The following LRRC4C variants were observed in gnomAD, a reference collection of about 807,000 sequenced individuals.
LRRC4C encodes the protein leucine rich repeat containing 4C.
In LRRC4C, 5 loss-of-function variants were observed where a neutral mutation model predicts 33.6. The observed-to-expected ratio is 0.15, with a 90% CI of 0.08 to 0.31. LRRC4C has a LOEUF of 0.31. Among genes scored for constraint, LRRC4C ranks in the 10% least tolerant of loss-of-function variants. The pLI is 1.00. For missense variants in LRRC4C, 560 were observed against 796.7 expected, an observed-to-expected ratio of 0.70 and a Z score of 3.58; for synonymous variants, 329 against 302.0, an observed-to-expected ratio of 1.09 and a Z score of -0.93.
At chr11:41,041,569 C>T (rs963970160) in intron 1 of LRRC4C, among the ~76,000 whole-genome samples, 1 of 152,124 alleles carries the variant, frequency 6.6e-6, no homozygotes, top group Non-Finnish European at 1.5e-5. Context: ...GTCACATTAT[C>T]ATTAACAGAT....
chr11:41,438,833 G>A (rs191446127), intron 1 of LRRC4C, among the ~76,000 whole-genome samples: 5 of 152,220 alleles, frequency 3.3e-5, no homozygotes, highest in East Asian at 1.9e-4. Flanking sequence ...TAAGGAAACC[G>A]ATTTGATTCT....
At chr11:40,382,944 C>T (rs915713055) in intron 3 of LRRC4C, among the ~76,000 whole-genome samples, 16 of 151,850 alleles carry the variant, frequency 1.1e-4, no homozygotes, top group African/African-American at 2.9e-4. Flanking sequence ...CCGCCTGCCT[C>T]GGCCTCCCAA....
intron 3 of LRRC4C, among the ~76,000 whole-genome samples, chr11:40,421,571 G>T (rs575459568): frequency 2.6e-5 from 4 of 152,342 alleles, no homozygotes; most frequent in African/African-American, 9.6e-5. Context: ...TTTGGTAACA[G>T]TCCTACAACT....
intron 3 of LRRC4C, among the ~76,000 whole-genome samples, chr11:40,466,947 T>A (rs558494713): frequency 6.6e-6 from 1 of 152,294 alleles, no homozygotes; most frequent in Non-Finnish European, 1.5e-5. Flanking sequence ...TATGATAATT[T>A]ACATTTTCAT....
At chr11:40,487,243 A>G (rs1329547709) in intron 3 of LRRC4C, among the ~76,000 whole-genome samples, 1 of 152,062 alleles carries the variant, frequency 6.6e-6, no homozygotes, top group Non-Finnish European at 1.5e-5. Flanking sequence ...AAGTCACTGG[A>G]ATTTGAGGCT....
rs184525780 is a variant in LRRC4C, at chr11:41,324,665, A to G, written c.-496+134766T>C. Among the ~76,000 whole-genome samples the G allele has an allele frequency of 5.9e-5, 9 of 152,332 alleles. No homozygotes were observed. In the East Asian group the frequency reaches 1.5e-3, roughly 26 times the overall value. On this transcript the variant is annotated intron_variant, in intron 1 of 6. Coordinates refer to ENST00000528697, the MANE Select transcript of LRRC4C (RefSeq NM_001258419.2). ...ATTAGGACTGGTGTTCTGTTGCAAG[A>G]CCCAAAATTGTCATAAAGCCTACTG... is the stretch of plus-strand genomic sequence containing the variant.
At chr11:40,860,003 G>A (rs1047179640) in intron 2 of LRRC4C, among the ~76,000 whole-genome samples, 2 of 151,888 alleles carry the variant, frequency 1.3e-5, no homozygotes, top group African/African-American at 2.4e-5. Flanking sequence ...GGAGAATGGC[G>A]TGAACCCGGG....
intron 2 of LRRC4C, among the ~76,000 whole-genome samples, chr11:40,852,330 G>C (rs1953550045): frequency 6.6e-6 from 1 of 152,030 alleles, no homozygotes; most frequent in Non-Finnish European, 1.5e-5. Context: ...TCATTTACTG[G>C]TTTTGTGACC....
intron 1 of LRRC4C, among the ~76,000 whole-genome samples, chr11:41,228,051 C>A (rs537467600): frequency 2.6e-5 from 4 of 152,064 alleles, no homozygotes; most frequent in Non-Finnish European, 5.9e-5. Context: ...CTTGCTTTTG[C>A]CCTGTAAAAT....
intron 2 of LRRC4C, among the ~76,000 whole-genome samples, chr11:40,847,581 T>C (rs1210943965): frequency 1.3e-5 from 2 of 152,212 alleles, no homozygotes; most frequent in African/African-American, 2.4e-5. Context: ...GTTTCAATGT[T>C]CATCAGGGAT....
chr11:41,107,223 T>C (rs543608063), intron 1 of LRRC4C, among the ~76,000 whole-genome samples: 2 of 152,070 alleles, frequency 1.3e-5, no homozygotes, highest in Non-Finnish European at 2.9e-5. Flanking sequence ...GGATTTTAGA[T>C]GTTCTGATTT....
intron 4 of LRRC4C, among the ~76,000 whole-genome samples, chr11:40,262,961 C>T (rs1256236156): frequency 6.6e-6 from 1 of 151,400 alleles, no homozygotes; most frequent in African/African-American, 2.4e-5. Flanking sequence ...GCCCATGTAT[C>T]CTAGAACTTA....
intron 3 of LRRC4C, among the ~76,000 whole-genome samples, chr11:40,576,194 C>A (rs993229771): frequency 2.0e-5 from 3 of 152,314 alleles, no homozygotes; most frequent in Admixed American, 6.5e-5. Flanking sequence ...CCTGTTTGGA[C>A]TAGCAATTGC....
At chr11:41,369,776 TGG>T (rs1444921806) in intron 1 of LRRC4C, among the ~76,000 whole-genome samples, 1 of 152,128 alleles carries the variant, frequency 6.6e-6, no homozygotes, top group African/African-American at 2.4e-5. Flanking sequence ...GATGAGCACC[TGG>T]AGAAAAGCTC....
intron 1 of LRRC4C, among the ~76,000 whole-genome samples, chr11:41,316,280 CA>C (rs796848005): frequency 1.1e-5 from 1 of 90,696 alleles, no homozygotes; most frequent in Non-Finnish European, 2.3e-5. Context: ...AAAAAAAAAA[CA>C]AAAAAAAACA....
intron 1 of LRRC4C, among the ~76,000 whole-genome samples, chr11:41,440,264 AG>A (rs758863330): frequency 1.3e-5 from 2 of 152,090 alleles, no homozygotes; most frequent in Non-Finnish European, 2.9e-5. Context: ...TTTGGAAAAA[AG>A]GAGTTTGTCT....
intron 3 of LRRC4C, among the ~76,000 whole-genome samples, chr11:40,381,336 C>T (rs566824912): frequency 1.3e-5 from 2 of 151,912 alleles, no homozygotes; most frequent in South Asian, 4.2e-4. Context: ...TGGCCATTAA[C>T]CAACTGGATC....
At chr11:40,474,478 C>A (rs1282292430) in intron 3 of LRRC4C, among the ~76,000 whole-genome samples, 1 of 152,092 alleles carries the variant, frequency 6.6e-6, no homozygotes, top group Non-Finnish European at 1.5e-5. Flanking sequence ...ACCATAAAAA[C>A]CCTTGAATAA....
At chr11:41,000,005 A>G (rs561309751) in intron 1 of LRRC4C, among the ~76,000 whole-genome samples, 1 of 152,274 alleles carries the variant, frequency 6.6e-6, no homozygotes, top group South Asian at 2.1e-4. Context: ...GCTGGAGAAC[A>G]AGGGTGAGAA....
Sources: allele counts gnomAD v4.1 joint callset (sites outside exome capture counted in the v4.1 genomes callset), GRCh38; gene constraint gnomAD v4.1.1; transcripts MANE v1.5; gene names NCBI Gene and HGNC (gene_info 2026-07-23, HGNC 2026-07-21).